Variants in NCSTN observed in about 807,000 individuals in gnomAD.
The protein encoded by NCSTN is anterior pharynx-defective 2.
Under a neutral mutation model 87.0 loss-of-function variants are expected in NCSTN, and 22 were observed. The ratio of observed to expected loss-of-function variants is 0.25; its 90% CI spans 0.18 to 0.36. NCSTN has a LOEUF of 0.36. NCSTN is among the 10% of genes least tolerant of loss of function. The pLI is 1.00. For missense variants in NCSTN, 693 were observed against 883.3 expected (o/e 0.78, Z 2.73); for synonymous variants, 306 against 327.1 (o/e 0.94, Z 0.69).
Position 160,349,642 on chromosome 1 carries a change from T to C in NCSTN, c.408T>C (p.Pro136=). Residue 136 remains proline, a synonymous_variant, in exon 4 of 17, where the codon CCT becomes CCC. Transcript: ENST00000294785. Reference sequence around the variant, plus strand: ...CCAGTCCTGCCTCAGGCTTCTCTCCTAGTGTACAGTGCCCAAATGATGGGT... The same window carrying C: ...CCAGTCCTGCCTCAGGCTTCTCTCCCAGTGTACAGTGCCCAAATGATGGGT... ...TKPSPASGFS[P]SVQCPNDGFG... 1.2e-6 allele frequency: 2 copies of C among 1,614,102 alleles called. No homozygotes were observed. Among genetic ancestry groups the C allele is most frequent in the Non-Finnish European group, 1.7e-6 (2 of 1,180,014 alleles).
chr1:160,349,735 C>T (rs1017031428), intron 4 of NCSTN, 65 bp downstream of exon 4: 10 of 1,591,302 alleles, frequency 6.3e-6, no homozygotes, highest in African/African-American at 1.3e-5. Flanking sequence ...TTCGGTCTTA[C>T]GTCTTTGTGA....
At chr1:160,349,174 G>A in intron 3 of NCSTN, 52 bp downstream of exon 3, 1 of 1,609,532 alleles carries the variant, frequency 6.2e-7, no homozygotes, top group Non-Finnish European at 8.5e-7. Context: ...GAAAGTTTCA[G>A]TGAACAGTCC....
At chr1:160,344,023 G>C in intron 1 of NCSTN, 1 of 231,378 alleles carries the variant, frequency 4.3e-6, no homozygotes, top group South Asian at 4.3e-5. Context: ...TCTTAACTGT[G>C]AAGACCCTGA....
chr1:160,349,395 C>A, intron 3 of NCSTN, 154 bp from the exon 4 acceptor site: 1 of 1,150,496 alleles, frequency 8.7e-7, no homozygotes, highest in Admixed American at 1.7e-5. Context: ...TAGAGCAGAT[C>A]ATTGTCCAGA....
chr1:160,349,189 A>G (rs1298888441), intron 3 of NCSTN, 67 bp downstream of exon 3: 4 of 1,603,310 alleles, frequency 2.5e-6, no homozygotes, highest in East Asian at 2.2e-5. Context: ...CAGTCCTCAC[A>G]CTTATTAGTG....
chr1:160,348,222 C>T (rs1197588096), intron 2 of NCSTN, among the ~76,000 whole-genome samples: 1 of 152,228 alleles, frequency 6.6e-6, no homozygotes, highest in Non-Finnish European at 1.5e-5. Context: ...TCAAAGTATT[C>T]TGGACTCTGG....
chr1:160,354,150 T>C lies in NCSTN; in HGVS notation c.1212T>C (p.Ser404=). Residue 404 remains serine (S), a synonymous_variant, in exon 11 of 17, where the codon AGT becomes AGC. Transcript: ENST00000294785. ...VEDLLATLEK[S]GAGVPAVILR... ...ATCTCCTGGCCACATTGGAGAAGAG[T>C]GGTGCTGGTGTCCCTGCTGTCATCC... 6.2e-7 allele frequency: 1 copy of C among 1,613,992 alleles called. No individual in the cohort carries two copies. The highest frequency in any genetic ancestry group is 8.5e-7 in the Non-Finnish European group (1 of 1,179,992).
At chr1:160,349,883 T>G (rs1444358815) in intron 4 of NCSTN, among the ~76,000 whole-genome samples, 1 of 152,200 alleles carries the variant, frequency 6.6e-6, no homozygotes, top group Non-Finnish European at 1.5e-5. Context: ...ATTATCTCTT[T>G]TTGTCACGTG....
chr1:160,348,879 C>T (rs1648670653), intron 2 of NCSTN, 120 bp from the exon 3 acceptor site: 1 of 1,393,562 alleles, frequency 7.2e-7, no homozygotes, highest in Non-Finnish European at 1.0e-6. Context: ...TCTAGAGGTG[C>T]CTGTATTCAC....
intron 10 of NCSTN, 72 bp downstream of exon 10, chr1:160,353,309 C>A: frequency 6.2e-7 from 1 of 1,608,550 alleles, no homozygotes; most frequent in Non-Finnish European, 8.5e-7. Context: ...TGCCCTGTTT[C>A]CACCAACCCC....
At chr1:160,344,933 GT>G (rs1648380722) in intron 2 of NCSTN, 107 bp downstream of exon 2, 2 of 911,888 alleles carry the variant, frequency 2.2e-6, no homozygotes, top group African/African-American at 3.2e-5. Context: ...ATATTGGACT[GT>G]ATGTAGGCAG....
At position 160,344,764 on chromosome 1, in the gene NCSTN, C is replaced by G. The variant is rs762493645; in HGVS notation, c.128C>G (p.Pro43Arg). The part of the protein sequence containing the change: ...GNSVERKIYI[P>R]LNKTAPCVRL... The stretch of plus-strand genomic sequence containing the variant: ...TCAGTGGAGAGGAAGATATATATCC[C>G]CTTAAATAAAACAGCTCCCTGTGTT... The change falls in exon 2 of 17, where the codon CCC becomes CGC. Residue 43 changes from proline (P) to arginine (R), a missense_variant. Pro to Arg is a moderately radical substitution (Grantham distance 103). Coordinates refer to ENST00000294785, the MANE Select transcript of NCSTN (RefSeq NM_015331.3). 3 of 1,614,014 alleles carry G rather than the reference C, an allele frequency of 1.9e-6. No individual in the cohort carries two copies. In the Admixed American group the frequency reaches 5.0e-5, roughly 27 times the overall value.
chr1:160,345,938 G>GAAAAAAAAAAAAAAAAAA (rs56358787), intron 2 of NCSTN, among the ~76,000 whole-genome samples: 2 of 59,808 alleles, frequency 3.3e-5, no homozygotes, highest in African/African-American at 6.6e-5. Flanking sequence ...GACACTGTCT[G>GAAAAAAAAAAAAAAAAAA]AAAAAAAAAA....
At chr1:160,345,938 GAAAAAAAAAA>G (rs56358787) in intron 2 of NCSTN, among the ~76,000 whole-genome samples, 2 of 59,808 alleles carry the variant, frequency 3.3e-5, no homozygotes, top group African/African-American at 1.3e-4. Flanking sequence ...GACACTGTCT[GAAAAAAAAAA>G]AAAAAAAAAA....
Position 160,358,454 on chromosome 1 carries a change from C to A in NCSTN, c.*183C>A. 2.6e-6 allele frequency: 2 copies of A among 765,606 alleles called. No individual in the cohort carries two copies. The highest frequency in any genetic ancestry group is 1.6e-5 in the South Asian group (1 of 63,666). The allele number at this position is 765,606 out of a possible 1,614,324, so 47.4% of individuals were successfully genotyped here. ...AATAAATAAATTGCCTCCCTTCCTC[C>A]GCTCCCCTTTCCCATCACCCCTTCC... is the stretch of plus-strand genomic sequence containing the variant. On this transcript the variant is annotated 3_prime_UTR_variant, in exon 17 of 17. Transcript: ENST00000294785.
intron 8 of NCSTN, 30 bp from the exon 9 acceptor site, chr1:160,352,857 T>G (rs1258172341): frequency 6.4e-7 from 1 of 1,565,644 alleles, no homozygotes; most frequent in East Asian, 2.2e-5. Context: ...GGAATCTCTG[T>G]TCCCCCTCCC....
At chr1:160,354,414 A>G in intron 11 of NCSTN, 124 bp downstream of exon 11, 1 of 1,079,240 alleles carries the variant, frequency 9.3e-7, no homozygotes, top group Non-Finnish European at 1.4e-6. Flanking sequence ...GTCCATCTGT[A>G]TTCTTTGCTC....
chr1:160,344,792 C>T lies in NCSTN; in HGVS notation c.156C>T (p.Arg52=), dbSNP rs760678242. ...TAAATAAAACAGCTCCCTGTGTTCG[C>T]CTGCTCAACGCCACTCATCAGATTG... ...IPLNKTAPCV[R]LLNATHQIGC... is the part of the protein sequence containing the mutation. Residue 52 remains arginine, a synonymous_variant, in exon 2 of 17, where the codon CGC becomes CGT. Coordinates refer to ENST00000294785, the MANE Select transcript of NCSTN (RefSeq NM_015331.3). 94 of 1,613,972 alleles carry T rather than the reference C, an allele frequency of 5.8e-5. 2 individuals are homozygous for T. The South Asian group carries it at 9.7e-4, about 17-fold the overall frequency.
At chr1:160,349,207 C>T in intron 3 of NCSTN, 85 bp downstream of exon 3, 3 of 1,555,918 alleles carry the variant, frequency 1.9e-6, no homozygotes, top group Non-Finnish European at 2.6e-6. Flanking sequence ...GTGAAAACTT[C>T]CCTTGGCTGC....
Sources: gnomAD v4.1 joint callset for allele counts (sites outside exome capture counted in the v4.1 genomes callset) on GRCh38, gnomAD v4.1.1 for gene constraint, MANE v1.5 for transcripts, NCBI Gene and HGNC (gene_info 2026-07-23, HGNC 2026-07-21) for gene names.